CACNA2D1: variants seen among roughly 807,000 people sequenced by gnomAD.
CACNA2D1 encodes the protein voltage-dependent calcium channel subunit alpha-2/delta-1.
A neutral mutation model predicts 171.5 loss-of-function variants in CACNA2D1; 53 were observed. The observed-to-expected ratio is 0.31, with a 90% CI of 0.25 to 0.39. The LOEUF (loss-of-function observed/expected upper bound fraction) is 0.39. Among genes scored for constraint, CACNA2D1 ranks in the 10% least tolerant of loss-of-function variants. The pLI, the probability that CACNA2D1 is intolerant of heterozygous loss-of-function variation, is 1.00. For missense variants in CACNA2D1, 903 were observed against 1,299.8 expected, an observed-to-expected ratio of 0.69 and a Z score of 4.69; for synonymous variants, 442 against 443.1, an observed-to-expected ratio of 1.00 and a Z score of 0.03.
intron 6 of CACNA2D1, among the ~76,000 whole-genome samples, chr7:82,114,904 G>A (rs1038812261): frequency 2.6e-5 from 4 of 151,910 alleles, no homozygotes; most frequent in Non-Finnish European, 5.9e-5. Flanking sequence ...AATACATGTT[G>A]TAAACAAAAT....
intron 1 of CACNA2D1, among the ~76,000 whole-genome samples, chr7:82,355,798 T>C (rs1464556193): frequency 3.9e-5 from 6 of 152,124 alleles, no homozygotes; most frequent in Non-Finnish European, 8.8e-5. Flanking sequence ...CTTCTCTTTT[T>C]CTACTCCTTC....
chr7:82,440,500 T>C (rs1830417274), intron 1 of CACNA2D1, among the ~76,000 whole-genome samples: 2 of 151,912 alleles, frequency 1.3e-5, no homozygotes, highest in Admixed American at 6.6e-5. Flanking sequence ...ATATTTTCCA[T>C]TTATATATCA....
At chr7:82,229,036 G>A (rs1325914422) in intron 3 of CACNA2D1, among the ~76,000 whole-genome samples, 2 of 152,080 alleles carry the variant, frequency 1.3e-5, no homozygotes, top group African/African-American at 4.8e-5. Flanking sequence ...AAAAAATTTG[G>A]TAGCATTTAA....
At chr7:82,069,219 C>A (rs1023158865) in intron 7 of CACNA2D1, among the ~76,000 whole-genome samples, 10 of 152,048 alleles carry the variant, frequency 6.6e-5, no homozygotes, top group East Asian at 1.9e-4. Context: ...AGGCTAATAA[C>A]CATACAAGTT....
Position 81,959,727 on chromosome 7 carries a change from C to G in CACNA2D1, c.3069G>C (p.Glu1023Asp), listed in dbSNP as rs1472436231. 6.2e-7 allele frequency: 1 copy of G among 1,612,036 alleles called. No homozygotes were observed. The highest frequency in any genetic ancestry group is 1.7e-5 in the Admixed American group (1 of 59,828). ...TCTGATGTCAAAGGATACAAGTCTG[C>G]TCCGCTTGTATGAGCAGTCGTGTGT... Reference protein sequence around the residue: ...PCDTRLLIQAEQTSDGPNPCD... With the variant: ...PCDTRLLIQADQTSDGPNPCD... Residue 1023 changes from glutamate to aspartate, a missense_variant, in exon 37 of 39, where the codon GAG (glutamate) becomes GAC (aspartate). By Grantham distance (45) the Glu-to-Asp change is conservative. This residue lies in a region of CACNA2D1 where 623 missense variants were observed against 925.5 expected (regional missense o/e 0.67). Transcript: ENST00000356860.
chr7:82,081,907 G>C (rs533270042), intron 7 of CACNA2D1, among the ~76,000 whole-genome samples: 1 of 151,192 alleles, frequency 6.6e-6, no homozygotes, highest in South Asian at 2.1e-4. Context: ...CCAAGTGCTG[G>C]CACAGAAGCG....
chr7:82,320,344 A>G (rs1320786754), intron 3 of CACNA2D1, among the ~76,000 whole-genome samples: 2 of 152,144 alleles, frequency 1.3e-5, no homozygotes, highest in Non-Finnish European at 2.9e-5. Context: ...CAAAAAAGAG[A>G]GAAGGAATTA....
At chr7:82,242,748 A>T (rs1804457859) in intron 3 of CACNA2D1, among the ~76,000 whole-genome samples, 1 of 151,936 alleles carries the variant, frequency 6.6e-6, no homozygotes, top group Non-Finnish European at 1.5e-5. Flanking sequence ...TTTTTTCTTG[A>T]TTTGTTTGTT....
chr7:82,041,217 A>G (rs192841825), intron 10 of CACNA2D1, among the ~76,000 whole-genome samples: 2 of 152,246 alleles, frequency 1.3e-5, no homozygotes, highest in Admixed American at 1.3e-4. Context: ...CTCAAGCATA[A>G]GAAGACTGGT....
intron 37 of CACNA2D1, 43 bp from the exon 38 acceptor site, chr7:81,959,400 CATGATTAAAAAT>C (rs1451948689): frequency 1.5e-6 from 2 of 1,329,360 alleles, no homozygotes; most frequent in African/African-American, 2.9e-5. Flanking sequence ...GTTTTTTTCA[CATGATTAAAAAT>C]AAATACAATG....
intron 3 of CACNA2D1, among the ~76,000 whole-genome samples, chr7:82,284,642 G>C (rs1006064908): frequency 5.3e-5 from 8 of 152,152 alleles, no homozygotes; most frequent in Non-Finnish European, 1.0e-4. Context: ...TGAAGAGCAA[G>C]GAAGGTAAAC....
chr7:81,991,859 G>A (rs1477976554), intron 20 of CACNA2D1, among the ~76,000 whole-genome samples: 2 of 150,752 alleles, frequency 1.3e-5, no homozygotes, highest in Non-Finnish European at 3.0e-5. Flanking sequence ...TTTTTAGACG[G>A]AGTATCGCTC....
At chr7:82,290,331 T>C (rs1263257864) in intron 3 of CACNA2D1, among the ~76,000 whole-genome samples, 1 of 152,048 alleles carries the variant, frequency 6.6e-6, no homozygotes, top group African/African-American at 2.4e-5. Flanking sequence ...ATGGCAAAAA[T>C]AGACAATTCG....
intron 9 of CACNA2D1, 97 bp from the exon 10 acceptor site, chr7:82,060,624 TTA>T: frequency 1.6e-6 from 1 of 633,356 alleles, no homozygotes; most frequent in Non-Finnish European, 2.7e-6. Context: ...CCTAGATCTT[TTA>T]TATATTATTT....
At chr7:82,142,127 C>G (rs531108778) in intron 4 of CACNA2D1, among the ~76,000 whole-genome samples, 12 of 152,172 alleles carry the variant, frequency 7.9e-5, no homozygotes, top group Non-Finnish European at 1.8e-4. Flanking sequence ...AAACTAGATT[C>G]AGGGATTAAA....
At chr7:82,303,638 T>C (rs1035341749) in intron 3 of CACNA2D1, among the ~76,000 whole-genome samples, 2 of 152,062 alleles carry the variant, frequency 1.3e-5, no homozygotes, top group Non-Finnish European at 2.9e-5. Context: ...AATCCACCTG[T>C]TTACAGCCAA....
intron 3 of CACNA2D1, among the ~76,000 whole-genome samples, chr7:82,265,692 G>A (rs6960673): frequency 0.029 from 4,410 of 151,946 alleles, 199 homozygotes; most frequent in African/African-American, 0.1. Context: ...TAGCTGTCTC[G>A]AAGATGAATT....
At chr7:82,346,691 T>C (rs1305915110) in intron 2 of CACNA2D1, among the ~76,000 whole-genome samples, 2 of 152,096 alleles carry the variant, frequency 1.3e-5, no homozygotes, top group Admixed American at 6.6e-5. Flanking sequence ...CACTCTTTTC[T>C]TTTTGAAAAA....
At chr7:82,042,085 T>C (rs1455020557) in intron 10 of CACNA2D1, among the ~76,000 whole-genome samples, 3 of 152,266 alleles carry the variant, frequency 2.0e-5, no homozygotes, top group African/African-American at 4.8e-5. Flanking sequence ...AGAATTACTA[T>C]AATTGCACTC....
Sources: allele counts gnomAD v4.1 joint callset (sites outside exome capture counted in the v4.1 genomes callset), GRCh38; gene constraint gnomAD v4.1.1; regional missense constraint gnomAD v4.1.1; transcripts MANE v1.5; gene names NCBI Gene and HGNC (gene_info 2026-07-23, HGNC 2026-07-21).